Variants in PHETA1 observed in about 807,000 individuals in gnomAD.
PHETA1 encodes PH domain containing endocytic trafficking adaptor 1, also known as sesquipedalian-1.
For synonymous variants in PHETA1, 155 were observed against 168.9 expected, an observed-to-expected ratio of 0.92 and a Z score of 0.64; for missense variants, 348 against 373.5, an observed-to-expected ratio of 0.93 and a Z score of 0.56.
chr12:111,361,646 G>C lies in PHETA1; in HGVS notation c.*1032C>G. The C allele has an allele frequency of 3.0e-6, 1 of 337,436 alleles. No individual in the cohort carries two copies. Among genetic ancestry groups the C allele is most frequent in the Non-Finnish European group, 5.9e-6 (1 of 169,688 alleles). The allele number at this position is 337,436 out of a possible 1,614,324, so 20.9% of individuals were successfully genotyped here. On this transcript the variant is annotated 3_prime_UTR_variant, in exon 3 of 3. Transcript: ENST00000683047. ...CCAGGAGTATGGGGGTGGGGGCTGA[G>C]CTCAGGAGGGGACATGTTAGAGGGG...
chr12:111,369,068 C>G lies in PHETA1; in HGVS notation c.-338G>C, dbSNP rs1869203166. 6.5e-6 allele frequency: 1 copy of G among 152,908 alleles called. No homozygotes were observed. 9.5% of individuals were successfully genotyped at this position (152,908 alleles called of 1,614,324 possible). ...GCGCAGCCGCGGGAGAGCGCGGATCCGACGGAAGGAGGCGGGAGCAACCGG... is the reference window on the plus strand; with the variant it reads ...GCGCAGCCGCGGGAGAGCGCGGATCGGACGGAAGGAGGCGGGAGCAACCGG... On this transcript the variant is annotated 5_prime_UTR_variant, in exon 1 of 3. Coordinates refer to ENST00000683047, the MANE Select transcript of PHETA1 (RefSeq NM_144671.6).
chr12:111,363,449 A>C lies in PHETA1; in HGVS notation c.-22T>G. ...TCATGGTGGCAATCGCGGGGCCTGG[A>C]GGGGAGCCTGGGGCCTGGACCCCAT... On this transcript the variant is annotated 5_prime_UTR_variant, in exon 3 of 3. Transcript: ENST00000683047. The surrounding 1 kb of genome is among the most constrained non-coding windows in gnomAD (Gnocchi z 7.4). 6.2e-7 allele frequency: 1 copy of C among 1,601,886 alleles called. No individual in the cohort carries two copies. Among genetic ancestry groups the C allele is most frequent in the Non-Finnish European group, 8.5e-7 (1 of 1,172,904 alleles).
Position 111,363,188 on chromosome 12 carries a change from A to T in PHETA1, c.240T>A (p.Ala80=). 6.2e-7 allele frequency: 1 copy of T among 1,612,890 alleles called. No individual in the cohort carries two copies. Among genetic ancestry groups the T allele is most frequent in the Non-Finnish European group, 8.5e-7 (1 of 1,179,884 alleles). ...LVEAAEEFAF[A]VRFAGTRART... is the part of the protein sequence containing the mutation. ...GCGCCCGGGTCCCCGCAAAGCGCAC[A>T]GCGAAGGCGAACTCCTCGGCGGCCT... The change falls in exon 3 of 3, where the codon GCT becomes GCA. Residue 80 remains alanine (A), a synonymous_variant. Transcript: ENST00000683047. This position sits in a 1 kb window ranked among gnomAD's most constrained non-coding sequence, Gnocchi z 7.4.
At position 111,367,201 on chromosome 12, in the gene PHETA1, C is replaced by T. The variant is rs1290054944; in HGVS notation, c.-181-944G>A. ...TGTCTGCCTGCAGGTCTTCACAAGG[C>T]CAGCTCCCCATCCTTTGGTCTCAGC... is the stretch of plus-strand genomic sequence containing the variant. On this transcript the variant is annotated intron_variant, in intron 1 of 2. Coordinates refer to ENST00000683047, the MANE Select transcript of PHETA1 (RefSeq NM_144671.6). This position sits in a 1 kb window ranked among gnomAD's most constrained non-coding sequence, Gnocchi z 4.0. 6.6e-6 allele frequency among the ~76,000 whole-genome samples: 1 copy of T among 152,122 alleles called. No individual in the cohort carries two copies. Among genetic ancestry groups the T allele is most frequent in the East Asian group, 1.9e-4 (1 of 5,186 alleles).
In PHETA1 at chr12:111,362,665, C is replaced by A; in HGVS notation, c.*13G>T. 1 of 1,549,268 alleles carries A rather than the reference C, an allele frequency of 6.5e-7. No individual in the cohort carries two copies. The highest frequency in any genetic ancestry group is 2.4e-5 in the East Asian group (1 of 40,912). On this transcript the variant is annotated 3_prime_UTR_variant, in exon 3 of 3. Transcript: ENST00000683047. Reference sequence around the variant, plus strand: ...AGAGCTTGTGTCCCCCTAAAACAGGCGCCCTGGTGGCCTCAGGGCTGGACC... The same window carrying A: ...AGAGCTTGTGTCCCCCTAAAACAGGAGCCCTGGTGGCCTCAGGGCTGGACC...
chr12:111,367,781 C>T lies in PHETA1; in HGVS notation c.-182+1131G>A, dbSNP rs747314221. ...GCACAGGCGCCAGCCTTGCCTGGAGCGAAGGCCTGGCCCCTGCCTTATCTC... is the reference window on the plus strand; with the variant it reads ...GCACAGGCGCCAGCCTTGCCTGGAGTGAAGGCCTGGCCCCTGCCTTATCTC... On this transcript the variant is annotated intron_variant, in intron 1 of 2. Coordinates refer to ENST00000683047, the MANE Select transcript of PHETA1 (RefSeq NM_144671.6). The surrounding 1 kb of genome is among the most constrained non-coding windows in gnomAD (Gnocchi z 4.0). Among the ~76,000 whole-genome samples the T allele has an allele frequency of 7.9e-5, 12 of 152,240 alleles. No individual in the cohort carries two copies. Among genetic ancestry groups the T allele is most frequent in the Non-Finnish European group, 1.2e-4 (8 of 68,038 alleles).
At position 111,362,255 on chromosome 12, in the gene PHETA1, T is replaced by G. The variant is rs10849938; in HGVS notation, c.*423A>C. On this transcript the variant is annotated 3_prime_UTR_variant, in exon 3 of 3. Coordinates refer to ENST00000683047, the MANE Select transcript of PHETA1 (RefSeq NM_144671.6). ...CCTCCCTCTGTCCACCCTGAAGGCCTGGTCAGGAGCTGCACTAACTGTGCA... is the reference window on the plus strand; with the variant it reads ...CCTCCCTCTGTCCACCCTGAAGGCCGGGTCAGGAGCTGCACTAACTGTGCA... 2.7e-6 allele frequency: 1 copy of G among 373,894 alleles called. No homozygotes were observed. Among genetic ancestry groups the G allele is most frequent in the South Asian group, 2.1e-5 (1 of 48,050 alleles). 23.2% of individuals were successfully genotyped at this position (373,894 alleles called of 1,614,324 possible).
intron 2 of PHETA1, among the ~76,000 whole-genome samples, chr12:111,365,007 C>T (rs764533536): frequency 4.6e-5 from 7 of 152,288 alleles, no homozygotes; most frequent in South Asian, 2.1e-4. Context: ...GGGGTCGACC[C>T]GTGCCATTTA....
Position 111,363,038 on chromosome 12 carries a change from T to C in PHETA1, c.390A>G (p.Val130=). 2 of 1,549,342 alleles carry C rather than the reference T, an allele frequency of 1.3e-6. No individual in the cohort carries two copies. Among genetic ancestry groups the C allele is most frequent in the South Asian group, 2.5e-5 (2 of 81,546 alleles). Residue 130 remains valine (V), a synonymous_variant, in exon 3 of 3, where the codon GTA becomes GTG. Transcript: ENST00000683047. This position sits in a 1 kb window ranked among gnomAD's most constrained non-coding sequence, Gnocchi z 7.4. ...VRELEQQLAA[V]RGGGGMALPQ... ...GCAGGGCCATGCCACCCCCGCCACG[T>C]ACAGCCGCCAGCTGCTGCTCCAGCT...
chr12:111,364,992 G>A (rs1014342380), intron 2 of PHETA1, among the ~76,000 whole-genome samples: 10 of 152,146 alleles, frequency 6.6e-5, no homozygotes, highest in Non-Finnish European at 1.3e-4. Flanking sequence ...AGGAAGGAGG[G>A]GCAGGGGGTC....
rs1440675692 is a variant in PHETA1 at position 111,362,538 on chromosome 12, C to CA, written c.*139dup. The CA allele has an allele frequency of 4.6e-6, 7 of 1,528,592 alleles. No individual in the cohort carries two copies. The highest frequency in any genetic ancestry group is 4.0e-5 in the Admixed American group (2 of 49,862). 94.7% of individuals were successfully genotyped at this position (1,528,592 alleles called of 1,614,324 possible). A position where few individuals can be genotyped will look rare whatever the true frequency, so the allele number is the denominator to read the frequency against. On this transcript the variant is annotated 3_prime_UTR_variant, in exon 3 of 3. Transcript: ENST00000683047. ...GCACCTTCTCAGAGCCTGCATCCCC[C>CA]AAAACCAGGCCACTCAGGGCCTGGG...
At position 111,363,897 on chromosome 12, in the gene PHETA1, C is replaced by T. The variant is rs1380706274; in HGVS notation, c.-36-434G>A. The T allele has an allele frequency of 2.2e-6, 1 of 450,950 alleles. No homozygotes were observed. The highest frequency in any genetic ancestry group is 3.7e-6 in the Non-Finnish European group (1 of 268,666). 27.9% of individuals were successfully genotyped at this position (450,950 alleles called of 1,614,324 possible). On this transcript the variant is annotated intron_variant, in intron 2 of 2. Transcript: ENST00000683047. The surrounding 1 kb of genome is among the most constrained non-coding windows in gnomAD (Gnocchi z 7.4). ...GCAGGGCTGAAATCCAAACCCAGGC[C>T]TCATTTCAGGCGCTGCTGTTTCCAT...
In PHETA1 at chr12:111,360,998, G is replaced by C. The variant is rs1034122904; in HGVS notation, c.*1680C>G. On this transcript the variant is annotated 3_prime_UTR_variant, in exon 3 of 3. Coordinates refer to ENST00000683047, the MANE Select transcript of PHETA1 (RefSeq NM_144671.6). ...CAGGACTCTGGAAGGAGGTGAGCGG[G>C]GACCATACCAAGACCCCAGAGGTGC... 4 of 152,604 alleles carry C rather than the reference G, an allele frequency of 2.6e-5. No homozygotes were observed. Among genetic ancestry groups the C allele is most frequent in the African/African-American group, 9.6e-5 (4 of 41,588 alleles). The allele number at this position is 152,604 out of a possible 1,614,324, so 9.5% of individuals were successfully genotyped here. A position where few individuals can be genotyped will look rare whatever the true frequency, so the allele number is the denominator to read the frequency against.
At chr12:111,364,896 C>A (rs1432719988) in intron 2 of PHETA1, among the ~76,000 whole-genome samples, 2 of 152,172 alleles carry the variant, frequency 1.3e-5, no homozygotes, top group Non-Finnish European at 2.9e-5. Context: ...CTACTACACT[C>A]CAGCCTGGGG....
intron 2 of PHETA1, among the ~76,000 whole-genome samples, chr12:111,364,219 C>T (rs536265947): frequency 4.7e-4 from 71 of 151,806 alleles, no homozygotes; most frequent in Non-Finnish European, 4.4e-4. Flanking sequence ...TGGTGGCGGG[C>T]GCCTGTAATC....
chr12:111,366,412 G>T (rs747332108), intron 1 of PHETA1, among the ~76,000 whole-genome samples, 155 bp from the exon 2 acceptor site: 4 of 152,174 alleles, frequency 2.6e-5, no homozygotes, highest in Non-Finnish European at 5.9e-5. Flanking sequence ...AAACATCCCT[G>T]TGTTGTGCTT....
At chr12:111,365,637 A>G (rs906056371) in intron 2 of PHETA1, 10 of 424,692 alleles carry the variant, frequency 2.4e-5, no homozygotes, top group Admixed American at 5.2e-5. Flanking sequence ...GCTGGAAGCC[A>G]TCATCCTCAG....
chr12:111,365,076 A>G (rs1673237659), intron 2 of PHETA1, among the ~76,000 whole-genome samples: 1 of 152,152 alleles, frequency 6.6e-6, no homozygotes. Context: ...CCTTCCCCCA[A>G]GGAGTATATG....
intron 2 of PHETA1, among the ~76,000 whole-genome samples, chr12:111,364,248 G>T (rs1175001980): frequency 2.0e-5 from 3 of 151,830 alleles, no homozygotes; most frequent in Non-Finnish European, 2.9e-5. Context: ...TCGGGAGGCT[G>T]AGGCAGGAGA....
Sources: gnomAD v4.1 joint callset for allele counts (sites outside exome capture counted in the v4.1 genomes callset) on GRCh38, gnomAD v4.1.1 for gene constraint, Gnocchi (gnomAD v3.1) non-coding constraint, MANE v1.5 for transcripts, NCBI Gene and HGNC (gene_info 2026-07-23, HGNC 2026-07-21) for gene names.